ANKFY1: variants seen among roughly 807,000 people sequenced by gnomAD.
ANKFY1 encodes the protein ankyrin repeat and FYVE domain-containing protein 1.
In ANKFY1, 47 loss-of-function variants were observed where a neutral mutation model predicts 128.3. The observed-to-expected ratio is 0.37, with a 90% CI of 0.29 to 0.47. The LOEUF is 0.47. ANKFY1 is among the 20% of genes least tolerant of loss of function. The pLI is 1.00. For synonymous variants in ANKFY1, 553 were observed against 601.6 expected, an observed-to-expected ratio of 0.92 and a Z score of 1.18; for missense variants, 1,222 against 1,510.6, an observed-to-expected ratio of 0.81 and a Z score of 3.17.
At chr17:4,202,649 A>G (rs1300013492) in intron 7 of ANKFY1, among the ~76,000 whole-genome samples, 1 of 128,314 alleles carries the variant, frequency 7.8e-6, no homozygotes, top group African/African-American at 2.9e-5. Flanking sequence ...GTGAGTCGAG[A>G]TTGTGCCACT....
chr17:4,189,242 C>G lies in ANKFY1; in HGVS notation c.1470+140G>C, dbSNP rs1321158159. On this transcript the variant is annotated intron_variant, in intron 11 of 24. Transcript: ENST00000341657. ...GAAACACAAAATAATCTGTTTCACTCTGGCTTTTTAACCATATGCATGTAT... is the reference window on the plus strand; with the variant it reads ...GAAACACAAAATAATCTGTTTCACTGTGGCTTTTTAACCATATGCATGTAT... The G allele has an allele frequency of 4.7e-6, 3 of 640,072 alleles. No homozygotes were observed. The Admixed American group carries it at 9.3e-5, about 20-fold the overall frequency. The allele number at this position is 640,072 out of a possible 1,614,324, so 39.6% of individuals were successfully genotyped here. A position where few individuals can be genotyped will look rare whatever the true frequency, so the allele number is the denominator to read the frequency against.
chr17:4,202,134 G>A (rs1228519814), intron 7 of ANKFY1, among the ~76,000 whole-genome samples: 2 of 152,154 alleles, frequency 1.3e-5, no homozygotes, highest in Non-Finnish European at 2.9e-5. Context: ...CGGGCGCAGC[G>A]GCTCCTGACT....
chr17:4,231,935 TAA>T (rs773041555), intron 3 of ANKFY1, among the ~76,000 whole-genome samples: 23 of 125,186 alleles, frequency 1.8e-4, no homozygotes, highest in Admixed American at 3.3e-4. Flanking sequence ...AAATCCTGTT[TAA>T]AAAAAAAAAA....
Position 4,184,999 on chromosome 17 carries a change from G to A in ANKFY1, c.1518C>T (p.Leu506=), listed in dbSNP as rs1419311099. The stretch of plus-strand genomic sequence containing the variant: ...CGCCTTGCTGCAGGAGCTCTGCCGT[G>A]AGGTTGGCCAGGCCATGCCGACACG... The part of the protein sequence containing the change: ...HTACRHGLAN[L]TAELLQQGAN... Residue 506 remains leucine, a synonymous_variant, in exon 12 of 25, where the codon CTC becomes CTT. Transcript: ENST00000341657. 1 of 1,613,856 alleles carries A rather than the reference G, an allele frequency of 6.2e-7. No homozygotes were observed. Among genetic ancestry groups the A allele is most frequent in the Admixed American group, 1.7e-5 (1 of 60,036 alleles).
intron 7 of ANKFY1, among the ~76,000 whole-genome samples, chr17:4,202,785 A>C (rs191504434): frequency 1.3e-5 from 2 of 151,428 alleles, no homozygotes; most frequent in Non-Finnish European, 2.9e-5. Context: ...TACACCAAAC[A>C]TACAGAAGAT....
Position 4,178,945 on chromosome 17 carries a change from C to G in ANKFY1, c.2510G>C (p.Gly837Ala), listed in dbSNP as rs760507050. 6 of 1,614,060 alleles carry G rather than the reference C, an allele frequency of 3.7e-6. No individual in the cohort carries two copies. The African/African-American group carries it at 6.7e-5, about 18-fold the overall frequency. The change falls in exon 18 of 25, where the codon GGG becomes GCG. Residue 837 changes from glycine (G) to alanine (A), a missense_variant. Gly to Ala is a moderately conservative substitution (Grantham distance 60). Transcript: ENST00000341657. This position sits in a 1 kb window ranked among gnomAD's most constrained non-coding sequence, Gnocchi z 4.1. ...CATGGCACAGGCAAACGGGGTCAGCCCTTGTCTGTCTCGTACATTCAAATG... is the reference window on the plus strand; with the variant it reads ...CATGGCACAGGCAAACGGGGTCAGCGCTTGTCTGTCTCGTACATTCAAATG... ...DIHLNVRDRQGLTPFACAMTF... is the reference protein window; with the variant it reads ...DIHLNVRDRQALTPFACAMTF...
At position 4,169,227 on chromosome 17, in the gene ANKFY1, C is replaced by T; in HGVS notation, c.3348G>A (p.Arg1116=). The T allele has an allele frequency of 1.3e-6, 2 of 1,552,898 alleles. No individual in the cohort carries two copies. The highest frequency in any genetic ancestry group is 1.7e-6 in the Non-Finnish European group (2 of 1,147,804). Residue 1116 remains arginine (R), a synonymous_variant, in exon 24 of 25, where the codon AGG becomes AGA. Transcript: ENST00000341657. This position sits in a 1 kb window ranked among gnomAD's most constrained non-coding sequence, Gnocchi z 5.0. The stretch of plus-strand genomic sequence containing the variant: ...GGTGTTTGCGAGTGGTGACTCCGAA[C>T]CTGGCAGTGCACTCATAGCAGTAGG... The part of the protein sequence containing the change: ...DGSYCYECTA[R]FGVTTRKHHC...
At chr17:4,244,748 T>C (rs1401706005) in intron 1 of ANKFY1, among the ~76,000 whole-genome samples, 2 of 152,138 alleles carry the variant, frequency 1.3e-5, no homozygotes, top group African/African-American at 4.8e-5. Context: ...TAATCCCCCA[T>C]GTGCTCCCTA....
At chr17:4,200,371 T>TA (rs1478071166) in intron 7 of ANKFY1, among the ~76,000 whole-genome samples, 1 of 152,144 alleles carries the variant, frequency 6.6e-6, no homozygotes, top group Non-Finnish European at 1.5e-5. Context: ...GCCTGGAAAG[T>TA]CTTTCAAGGG....
In ANKFY1 at chr17:4,165,708, A is replaced by G. The variant is rs1193665734; in HGVS notation, c.*2071T>C. ...GGCTTAGAAGCAAGTTTGAATCAAC[A>G]TATTTGAAACATGATCTTAAGATTC... On this transcript the variant is annotated 3_prime_UTR_variant, in exon 25 of 25. Coordinates refer to ENST00000341657, the MANE Select transcript of ANKFY1 (RefSeq NM_001330063.2). 1 of 152,236 alleles carries G rather than the reference A, an allele frequency of 6.6e-6. No homozygotes were observed. Among genetic ancestry groups the G allele is most frequent in the African/African-American group, 2.4e-5 (1 of 41,464 alleles). The allele number at this position is 152,236 out of a possible 1,614,324, so 9.4% of individuals were successfully genotyped here.
At chr17:4,239,483 G>A (rs1967091368) in intron 2 of ANKFY1, among the ~76,000 whole-genome samples, 2 of 152,012 alleles carry the variant, frequency 1.3e-5, no homozygotes, top group South Asian at 4.2e-4. Flanking sequence ...ATTTAGAAAG[G>A]GCTAAGTTGA....
chr17:4,216,100 G>A (rs1021942160), intron 4 of ANKFY1, among the ~76,000 whole-genome samples: 7 of 152,156 alleles, frequency 4.6e-5, no homozygotes, highest in South Asian at 2.1e-4. Context: ...GGAGTAAGCC[G>A]TCCACTGATT....
intron 3 of ANKFY1, among the ~76,000 whole-genome samples, chr17:4,221,579 T>C (rs928599517): frequency 1.3e-5 from 2 of 152,184 alleles, no homozygotes; most frequent in Admixed American, 6.5e-5. Context: ...GAATCTCCTA[T>C]TATGACTCTG....
Position 4,195,153 on chromosome 17 carries a change from G to C in ANKFY1, c.1197C>G (p.His399Gln). Reference protein sequence around the residue: ...CKQLDLELKDHEGSTALWLAV... With the variant: ...CKQLDLELKDQEGSTALWLAV... ...CCAGCCACAGAGCCGTGCTGCCCTCGTGGTCTTTGAGTTCTAAATCTAGTC... is the reference window on the plus strand; with the variant it reads ...CCAGCCACAGAGCCGTGCTGCCCTCCTGGTCTTTGAGTTCTAAATCTAGTC... The change falls in exon 10 of 25, where the codon CAC becomes CAG. Residue 399 changes from histidine to glutamine, a missense_variant. Coordinates refer to ENST00000341657, the MANE Select transcript of ANKFY1 (RefSeq NM_001330063.2). 30 of 1,610,260 alleles carry C rather than the reference G, an allele frequency of 1.9e-5. No homozygotes were observed. The highest frequency in any genetic ancestry group is 2.5e-5 in the Non-Finnish European group (29 of 1,177,122).
intron 3 of ANKFY1, chr17:4,223,428 G>A: frequency 1.4e-6 from 2 of 1,384,686 alleles, no homozygotes; most frequent in Non-Finnish European, 2.1e-6. Context: ...CTGGCTGCTA[G>A]GAACTGTATC....
intron 1 of ANKFY1, among the ~76,000 whole-genome samples, chr17:4,254,569 T>C (rs1207928782): frequency 6.6e-6 from 1 of 152,192 alleles, no homozygotes; most frequent in Non-Finnish European, 1.5e-5. Flanking sequence ...TCAATCAGAC[T>C]TCTGTCATCC....
At chr17:4,174,428 G>A (rs750839285) in intron 19 of ANKFY1, among the ~76,000 whole-genome samples, 1 of 152,128 alleles carries the variant, frequency 6.6e-6, no homozygotes, top group South Asian at 2.1e-4. Flanking sequence ...GTAAAAAATT[G>A]TAATAGGTAC....
At chr17:4,226,768 A>C (rs906919785) in intron 3 of ANKFY1, among the ~76,000 whole-genome samples, 2 of 151,764 alleles carry the variant, frequency 1.3e-5, no homozygotes, top group African/African-American at 4.8e-5. Context: ...GAAATCAATA[A>C]AATAGAAAAC....
rs1474057910 is a variant in ANKFY1, at chr17:4,189,496, AT to A, written c.1373-18del. 6.4e-7 allele frequency: 1 copy of A among 1,557,526 alleles called. No homozygotes were observed. Among genetic ancestry groups the A allele is most frequent in the African/African-American group, 1.4e-5 (1 of 73,612 alleles). On this transcript the variant is annotated intron_variant, in intron 10 of 24. Coordinates refer to ENST00000341657, the MANE Select transcript of ANKFY1 (RefSeq NM_001330063.2). The stretch of plus-strand genomic sequence containing the variant: ...AACAGTTTCCTAAAAGAAAATGGGC[AT>A]TGCTGATTCTTCTGTTTGCATCAAA...
Sources: allele counts gnomAD v4.1 joint callset (sites outside exome capture counted in the v4.1 genomes callset), GRCh38; gene constraint gnomAD v4.1.1; non-coding constraint Gnocchi (gnomAD v3.1); transcripts MANE v1.5; gene names NCBI Gene and HGNC (gene_info 2026-07-23, HGNC 2026-07-21).